The following LINGO2 variants were observed in gnomAD, a reference collection of about 807,000 sequenced individuals.
LINGO2 encodes leucine-rich repeat and immunoglobulin-like domain-containing nogo receptor-interacting protein 2.
In LINGO2, 14 loss-of-function variants were observed where a neutral mutation model predicts 30.6. The ratio of observed to expected loss-of-function variants is 0.46; its 90% CI spans 0.30 to 0.72. The LOEUF (loss-of-function observed/expected upper bound fraction) is 0.72, where lower values mean the gene tolerates loss of function less well. Among genes scored for constraint, LINGO2 ranks in the 30% least tolerant of loss-of-function variants. The pLI is 0.07. For synonymous variants in LINGO2, 317 were observed against 288.5 expected, an observed-to-expected ratio of 1.10 and a Z score of -1.00; for missense variants, 729 against 751.7, an observed-to-expected ratio of 0.97 and a Z score of 0.35.
chr9:28,015,662 A>G (rs2119301794), intron 4 of LINGO2, among the ~76,000 whole-genome samples: 1 of 152,266 alleles, frequency 6.6e-6, no homozygotes, highest in South Asian at 2.1e-4. Context: ...AATGATGCCA[A>G]GGATAGTTGT....
At chr9:28,539,583 T>C (rs12005012) in intron 1 of LINGO2, among the ~76,000 whole-genome samples, 11,666 of 152,214 alleles carry the variant, frequency 0.077, 897 homozygotes, top group African/African-American at 0.19. Flanking sequence ...CAGACTGTGT[T>C]ACCTGTTTGA....
intron 1 of LINGO2, among the ~76,000 whole-genome samples, chr9:28,569,526 C>A (rs1823566703): frequency 6.6e-6 from 1 of 150,692 alleles, no homozygotes; most frequent in Non-Finnish European, 1.5e-5. Flanking sequence ...AACAGAGAAG[C>A]CAGACACAGA....
chr9:29,213,151 C>G, the LINGO2 span, among the ~76,000 whole-genome samples: 1 of 152,172 alleles, frequency 6.6e-6, no homozygotes, highest in Non-Finnish European at 1.5e-5. Flanking sequence ...CACCCGGAAG[C>G]CTCCCAGCCC....
At chr9:28,359,847 T>G (rs1287529358) in intron 3 of LINGO2, among the ~76,000 whole-genome samples, 2 of 152,158 alleles carry the variant, frequency 1.3e-5, no homozygotes, top group African/African-American at 4.8e-5. Flanking sequence ...ACATATTACA[T>G]ATGATGGTGA....
At chr9:28,782,716 T>G in the LINGO2 span, among the ~76,000 whole-genome samples, 7 of 152,210 alleles carry the variant, frequency 4.6e-5, no homozygotes, top group South Asian at 4.1e-4. Flanking sequence ...CCTAGCATCA[T>G]GGGAATTAAC....
chr9:28,934,319 C>T, the LINGO2 span, among the ~76,000 whole-genome samples: 6,271 of 152,202 alleles, frequency 0.041, 197 homozygotes, highest in Admixed American at 0.082. Flanking sequence ...CAGTCATTTG[C>T]AAATAGATGA....
chr9:28,101,985 C>A (rs937006001), intron 4 of LINGO2, among the ~76,000 whole-genome samples: 1 of 152,030 alleles, frequency 6.6e-6, no homozygotes, highest in African/African-American at 2.4e-5. Context: ...ACTGGTGTGA[C>A]AAATATAAGC....
the LINGO2 span, among the ~76,000 whole-genome samples, chr9:29,182,436 A>G: frequency 6.6e-6 from 1 of 152,168 alleles, no homozygotes; most frequent in African/African-American, 2.4e-5. Flanking sequence ...TAGAACTACT[A>G]GAAAAAAAAA....
At chr9:28,079,942 C>G (rs1004837549) in intron 4 of LINGO2, among the ~76,000 whole-genome samples, 4 of 152,156 alleles carry the variant, frequency 2.6e-5, no homozygotes, top group Non-Finnish European at 5.9e-5. Flanking sequence ...ACTCCGTTGC[C>G]GAAGTAAAAA....
intron 1 of LINGO2, among the ~76,000 whole-genome samples, chr9:28,645,072 C>T (rs1294182308): frequency 5.9e-5 from 9 of 152,062 alleles, no homozygotes; most frequent in African/African-American, 2.2e-4. Flanking sequence ...ACCCTCAGTA[C>T]TAATATTGCC....
chr9:28,549,324 T>A (rs541003874), intron 1 of LINGO2, among the ~76,000 whole-genome samples: 1 of 152,252 alleles, frequency 6.6e-6, no homozygotes, highest in Admixed American at 6.5e-5. Context: ...TTCATTAATT[T>A]AAAATGCTAA....
chr9:28,877,181 T>C, the LINGO2 span, among the ~76,000 whole-genome samples: 47 of 151,208 alleles, frequency 3.1e-4, no homozygotes, highest in Non-Finnish European at 6.3e-4. Flanking sequence ...GTTGCAAAAA[T>C]TTTCTCCCAT....
At chr9:28,593,842 C>G (rs1184301299) in intron 1 of LINGO2, among the ~76,000 whole-genome samples, 1 of 152,004 alleles carries the variant, frequency 6.6e-6, no homozygotes, top group Admixed American at 6.6e-5. Flanking sequence ...ATTACACCAG[C>G]TTTTAGTCAA....
chr9:28,719,247 CTT>C, the LINGO2 span, among the ~76,000 whole-genome samples: 1 of 152,146 alleles, frequency 6.6e-6, no homozygotes, highest in Non-Finnish European at 1.5e-5. Context: ...GCTCCTCTCT[CTT>C]AGCTCTTTCT....
At chr9:28,075,933 G>T (rs1346979854) in intron 4 of LINGO2, among the ~76,000 whole-genome samples, 1 of 150,986 alleles carries the variant, frequency 6.6e-6, no homozygotes, top group Non-Finnish European at 1.5e-5. Flanking sequence ...TAATATTTTT[G>T]CTTTTTGTGC....
At chr9:28,881,913 A>C in the LINGO2 span, among the ~76,000 whole-genome samples, 1 of 152,206 alleles carries the variant, frequency 6.6e-6, no homozygotes, top group Non-Finnish European at 1.5e-5. Flanking sequence ...TATTTGGTGA[A>C]AACCTTTTTC....
intron 4 of LINGO2, among the ~76,000 whole-genome samples, chr9:28,017,546 A>C (rs1276477468): frequency 2.0e-5 from 3 of 152,198 alleles, no homozygotes; most frequent in Non-Finnish European, 4.4e-5. Flanking sequence ...ATATCTATAA[A>C]TCAGTAGTAC....
the LINGO2 span, among the ~76,000 whole-genome samples, chr9:28,847,852 G>A: frequency 3.6e-5 from 4 of 112,164 alleles, no homozygotes; most frequent in Non-Finnish European, 7.1e-5. Flanking sequence ...ACACATATAT[G>A]TATATATACT....
chr9:29,190,387 C>G, the LINGO2 span, among the ~76,000 whole-genome samples: 1 of 152,100 alleles, frequency 6.6e-6, no homozygotes, highest in Admixed American at 6.5e-5. Context: ...TTTATACCCA[C>G]TTCTACTTGA....
Sources: gnomAD v4.1 joint callset for allele counts (sites outside exome capture counted in the v4.1 genomes callset) on GRCh38, gnomAD v4.1.1 for gene constraint, MANE v1.5 for transcripts, NCBI Gene and HGNC (gene_info 2026-07-23, HGNC 2026-07-21) for gene names.